The following MCMBP variants were observed in gnomAD, a reference collection of about 807,000 sequenced individuals.
MCMBP encodes the protein minichromosome maintenance complex binding protein, also known as mini-chromosome maintenance complex-binding protein.
MCMBP carries 31 observed loss-of-function variants against 81.3 expected under a neutral mutation model. The observed-to-expected ratio is 0.38, with a 90% CI of 0.29 to 0.51. MCMBP has a LOEUF of 0.51. MCMBP is among the 20% of genes least tolerant of loss of function. MCMBP has a pLI of 0.87. For synonymous variants in MCMBP, 267 were observed against 275.9 expected (o/e 0.97, Z 0.32); for missense variants, 645 against 772.1 (o/e 0.84, Z 1.95).
At chr10:119,862,866 A>G (rs546172229) in intron 1 of MCMBP, among the ~76,000 whole-genome samples, 40 of 152,370 alleles carry the variant, frequency 2.6e-4, no homozygotes, top group African/African-American at 8.4e-4. Flanking sequence ...CTAATATGCA[A>G]TATCATGGCT....
intron 5 of MCMBP, among the ~76,000 whole-genome samples, 165 bp from the exon 6 acceptor site, chr10:119,853,359 G>GT (rs1192938448): frequency 5.9e-5 from 9 of 152,186 alleles, no homozygotes; most frequent in African/African-American, 1.7e-4. Flanking sequence ...AGAATAACAG[G>GT]TATCAACCTT....
intron 1 of MCMBP, among the ~76,000 whole-genome samples, chr10:119,870,318 G>A (rs1483392018): frequency 6.6e-6 from 1 of 152,050 alleles, no homozygotes; most frequent in East Asian, 1.9e-4. Context: ...GTGGTGGCGC[G>A]GGCCTATAGT....
chr10:119,852,194 A>C (rs1589790314), intron 6 of MCMBP, among the ~76,000 whole-genome samples: 1 of 148,446 alleles, frequency 6.7e-6, no homozygotes, highest in Non-Finnish European at 1.5e-5. Context: ...TTCTCTACCC[A>C]ATCTTGCAGA....
chr10:119,836,030 C>T (rs1834348616), intron 13 of MCMBP, among the ~76,000 whole-genome samples: 1 of 152,122 alleles, frequency 6.6e-6, no homozygotes, highest in African/African-American at 2.4e-5. Context: ...AGACAAGTTT[C>T]GTCATGTTGT....
At chr10:119,841,719 T>G (rs994463407) in intron 10 of MCMBP, among the ~76,000 whole-genome samples, 5 of 152,244 alleles carry the variant, frequency 3.3e-5, no homozygotes, top group African/African-American at 1.2e-4. Context: ...CTTATGTTCT[T>G]GGAACTTGTC....
Position 119,830,396 on chromosome 10 carries a change from T to C in MCMBP, c.*1078A>G, listed in dbSNP as rs1851975044. 1 of 152,202 alleles carries C rather than the reference T, an allele frequency of 6.6e-6. No individual in the cohort carries two copies. Among genetic ancestry groups the C allele is most frequent in the South Asian group, 2.1e-4 (1 of 4,836 alleles). The allele number at this position is 152,202 out of a possible 1,614,324, so 9.4% of individuals were successfully genotyped here. Reference sequence around the variant, plus strand: ...TGGTCTGGAGAAAACCTACCTGCAGTTGTACGAGGCTGTTACTGGAGTAGC... The same window carrying C: ...TGGTCTGGAGAAAACCTACCTGCAGCTGTACGAGGCTGTTACTGGAGTAGC... On this transcript the variant is annotated 3_prime_UTR_variant, in exon 16 of 16. Transcript: ENST00000369077.
rs148477131 is a variant in MCMBP, at chr10:119,855,618, C to A, written c.429+1720G>T. Among the ~76,000 whole-genome samples the A allele has an allele frequency of 2.3e-3, 345 of 152,074 alleles. 2 individuals carry two copies. The highest frequency in any genetic ancestry group is 8.1e-3 in the African/African-American group (337 of 41,494). ...CCTGGCAGGCTGAGGTTGCAGTGAG[C>A]CGAGATTGTGCCACTGCACTCCAGC... On this transcript the variant is annotated intron_variant, in intron 5 of 15. Transcript: ENST00000369077.
At chr10:119,836,802 A>T in intron 13 of MCMBP, 94 bp downstream of exon 13, 7 of 509,018 alleles carry the variant, frequency 1.4e-5, no homozygotes, top group African/African-American at 2.2e-5. Context: ...TTTACAACAA[A>T]TGTAACTTAT....
chr10:119,844,736 C>T (rs1852561117), intron 8 of MCMBP, among the ~76,000 whole-genome samples: 1 of 152,184 alleles, frequency 6.6e-6, no homozygotes, highest in Non-Finnish European at 1.5e-5. Flanking sequence ...TAATCAGCTG[C>T]CAGCATAAAG....
At chr10:119,832,499 T>C (rs1852085164) in intron 14 of MCMBP, among the ~76,000 whole-genome samples, 1 of 152,164 alleles carries the variant, frequency 6.6e-6, no homozygotes, top group African/African-American at 2.4e-5. Context: ...AACCAGGTGA[T>C]TATTGGTAAG....
chr10:119,866,551 G>C (rs1309024870), intron 1 of MCMBP, among the ~76,000 whole-genome samples: 1 of 152,036 alleles, frequency 6.6e-6, no homozygotes, highest in Non-Finnish European at 1.5e-5. Context: ...GCTTGAACCC[G>C]GTAAGCAGAG....
At chr10:119,854,353 A>G (rs541576094) in intron 5 of MCMBP, among the ~76,000 whole-genome samples, 1 of 151,456 alleles carries the variant, frequency 6.6e-6, no homozygotes, top group Admixed American at 6.6e-5. Context: ...GTTTTTTTAA[A>G]ATAAATTATT....
intron 4 of MCMBP, chr10:119,857,688 G>A: frequency 3.4e-6 from 1 of 290,790 alleles, no homozygotes; most frequent in Non-Finnish European, 6.5e-6. Flanking sequence ...TTATAATCTG[G>A]GTCTAGTTCT....
At chr10:119,847,417 T>C in intron 8 of MCMBP, among the ~76,000 whole-genome samples, 196 bp downstream of exon 8, 1 of 152,184 alleles carries the variant, frequency 6.6e-6, no homozygotes, top group East Asian at 1.9e-4. Flanking sequence ...TTCTGCAACA[T>C]ACTTTCAAGT....
At position 119,872,591 on chromosome 10, in the gene MCMBP, A is replaced by AGGGGCC. The variant is rs770287464; in HGVS notation, c.-13_-8dup. ...AATCCTCCCCACACGGCATCTCGCC[A>AGGGGCC]GGGGCCGGGGCCGGCGAAGACCGGG... On this transcript the variant is annotated 5_prime_UTR_variant, in exon 1 of 16. Coordinates refer to ENST00000369077, the MANE Select transcript of MCMBP (RefSeq NM_001256378.2). The AGGGGCC allele has an allele frequency of 1.1e-5, 13 of 1,171,806 alleles. No individual in the cohort carries two copies. Among genetic ancestry groups the AGGGGCC allele is most frequent in the African/African-American group, 1.6e-5 (1 of 61,336 alleles). 72.6% of individuals were successfully genotyped at this position (1,171,806 alleles called of 1,614,324 possible).
At chr10:119,849,316 T>C in intron 7 of MCMBP, 109 bp downstream of exon 7, 1 of 1,163,362 alleles carries the variant, frequency 8.6e-7, no homozygotes, top group Non-Finnish European at 1.2e-6. Flanking sequence ...TTTGCAGTGA[T>C]TTGCTATAGC....
At chr10:119,847,984 TAA>T (rs1310348598) in intron 7 of MCMBP, among the ~76,000 whole-genome samples, 1 of 151,526 alleles carries the variant, frequency 6.6e-6, no homozygotes, top group African/African-American at 2.4e-5. Flanking sequence ...TTCCTAAAAT[TAA>T]AAAAAGCCTT....
At chr10:119,839,861 C>A (rs1852374484) in intron 11 of MCMBP, among the ~76,000 whole-genome samples, 1 of 152,136 alleles carries the variant, frequency 6.6e-6, no homozygotes, top group Non-Finnish European at 1.5e-5. Context: ...TCTACTTTTC[C>A]ATCTGTGTGA....
chr10:119,837,151 G>A (rs1852275922), intron 12 of MCMBP, 122 bp from the exon 13 acceptor site: 1 of 992,822 alleles, frequency 1.0e-6, no homozygotes, highest in African/African-American at 1.6e-5. Flanking sequence ...ATGAGGCGCT[G>A]TCCAGTTTAC....
Sources: gnomAD v4.1 joint callset for allele counts (sites outside exome capture counted in the v4.1 genomes callset) on GRCh38, gnomAD v4.1.1 for gene constraint, MANE v1.5 for transcripts, NCBI Gene and HGNC (gene_info 2026-07-23, HGNC 2026-07-21) for gene names.